The following CAMTA1 variants were observed in gnomAD, a reference collection of about 807,000 sequenced individuals.
CAMTA1 encodes the protein calmodulin-binding transcription activator 1.
A neutral mutation model predicts 170.9 loss-of-function variants in CAMTA1; 27 were observed. That is an observed-to-expected ratio of 0.16 (90% CI 0.12 to 0.22). The LOEUF is 0.22. CAMTA1 is among the 10% of genes least tolerant of loss of function. The pLI, the probability that CAMTA1 is intolerant of heterozygous loss-of-function variation, is 1.00. For missense variants in CAMTA1, 1,619 were observed against 2,217.2 expected (o/e 0.73, Z 5.42); for synonymous variants, 833 against 891.5 (o/e 0.93, Z 1.17).
chr1:6,979,372 A>G (rs370115527), intron 3 of CAMTA1, among the ~76,000 whole-genome samples: 38 of 152,332 alleles, frequency 2.5e-4, no homozygotes, highest in African/African-American at 8.9e-4. Context: ...TCAATTCTGC[A>G]TCAAGGTGCT....
At chr1:7,183,412 A>G (rs752985896) in intron 4 of CAMTA1, among the ~76,000 whole-genome samples, 8 of 152,190 alleles carry the variant, frequency 5.3e-5, no homozygotes, top group Non-Finnish European at 7.3e-5. Flanking sequence ...AATATCTATC[A>G]TAACTGCTTA....
intron 6 of CAMTA1, among the ~76,000 whole-genome samples, chr1:7,569,206 A>G (rs2095091864): frequency 1.3e-5 from 2 of 149,756 alleles, no homozygotes; most frequent in South Asian, 4.3e-4. Context: ...CCTTATCATC[A>G]CCATTACCAC....
intron 3 of CAMTA1, among the ~76,000 whole-genome samples, chr1:6,876,349 A>G (rs1478332025): frequency 6.6e-6 from 1 of 151,100 alleles, no homozygotes; most frequent in African/African-American, 2.4e-5. Context: ...ATGTTTCTTT[A>G]TTTTTTAATT....
At chr1:7,273,453 A>G (rs1670140759) in intron 5 of CAMTA1, among the ~76,000 whole-genome samples, 1 of 152,246 alleles carries the variant, frequency 6.6e-6, no homozygotes, top group South Asian at 2.1e-4. Context: ...CGTTATTCTA[A>G]GTGAAAGAGG....
intron 5 of CAMTA1, among the ~76,000 whole-genome samples, chr1:7,320,145 G>C (rs1377265308): frequency 6.6e-6 from 1 of 152,176 alleles, no homozygotes; most frequent in Non-Finnish European, 1.5e-5. Context: ...GTATCAAGTA[G>C]ACGTGGTAAG....
intron 3 of CAMTA1, among the ~76,000 whole-genome samples, chr1:6,977,587 G>A (rs553597436): frequency 2.6e-5 from 4 of 152,208 alleles, no homozygotes; most frequent in East Asian, 3.9e-4. Context: ...GGATCCACTC[G>A]CCTCGGCCTC....
intron 3 of CAMTA1, among the ~76,000 whole-genome samples, chr1:7,074,955 C>A (rs1639103650): frequency 6.6e-6 from 1 of 152,148 alleles, no homozygotes; most frequent in Non-Finnish European, 1.5e-5. Context: ...TTCTTGAAAC[C>A]CCTGTGGAGC....
At chr1:7,275,786 A>G (rs1444765502) in intron 5 of CAMTA1, among the ~76,000 whole-genome samples, 1 of 152,286 alleles carries the variant, frequency 6.6e-6, no homozygotes, top group South Asian at 2.1e-4. Context: ...CCAAAAAGAA[A>G]CCTCCTTCAT....
At chr1:7,164,562 G>A (rs934811798) in intron 4 of CAMTA1, among the ~76,000 whole-genome samples, 3 of 152,344 alleles carry the variant, frequency 2.0e-5, no homozygotes, top group Admixed American at 6.5e-5. Flanking sequence ...GTCTATGCCC[G>A]TGCCTAGGAC....
At chr1:6,990,170 G>A (rs1696118874) in intron 3 of CAMTA1, among the ~76,000 whole-genome samples, 1 of 152,146 alleles carries the variant, frequency 6.6e-6, no homozygotes, top group African/African-American at 2.4e-5. Context: ...GATATTGGTA[G>A]GTCACCAGCA....
At chr1:7,133,996 A>G (rs1645406239) in intron 4 of CAMTA1, among the ~76,000 whole-genome samples, 1 of 152,164 alleles carries the variant, frequency 6.6e-6, no homozygotes, top group African/African-American at 2.4e-5. Flanking sequence ...GGATCCCACC[A>G]CCCAGGTGGT....
Position 7,732,336 on chromosome 1 carries a change from T to C in CAMTA1, c.2915-112T>C, listed in dbSNP as rs1350914614. On this transcript the variant is annotated intron_variant, in intron 11 of 22. Coordinates refer to ENST00000303635, the MANE Select transcript of CAMTA1 (RefSeq NM_015215.4). This position sits in a 1 kb window ranked among gnomAD's most constrained non-coding sequence, Gnocchi z 4.1. ...CTGGCTGGCGGAGACCTCTCTGGTTTGGTGAAGTTACGGACGGCATTTGGA... is the reference window on the plus strand; with the variant it reads ...CTGGCTGGCGGAGACCTCTCTGGTTCGGTGAAGTTACGGACGGCATTTGGA... 2.4e-6 allele frequency: 2 copies of C among 849,738 alleles called. No homozygotes were observed. The highest frequency in any genetic ancestry group is 3.9e-6 in the Non-Finnish European group (2 of 514,710). The allele number at this position is 849,738 out of a possible 1,614,324, so 52.6% of individuals were successfully genotyped here. A position where few individuals can be genotyped will look rare whatever the true frequency, so the allele number is the denominator to read the frequency against.
chr1:7,619,679 T>C (rs2095583953), intron 6 of CAMTA1, among the ~76,000 whole-genome samples: 1 of 151,264 alleles, frequency 6.6e-6, no homozygotes, highest in Non-Finnish European at 1.5e-5. Context: ...AGATGGAGTC[T>C]CACTCTGTCA....
Position 7,592,191 on chromosome 1 carries a change from A to G in CAMTA1, c.511-48209A>G, listed in dbSNP as rs992453959. Among the ~76,000 whole-genome samples, 2 of 152,010 alleles carry G rather than the reference A, an allele frequency of 1.3e-5. No homozygotes were observed. Among genetic ancestry groups the G allele is most frequent in the African/African-American group, 4.8e-5 (2 of 41,384 alleles). On this transcript the variant is annotated intron_variant, in intron 6 of 22. Transcript: ENST00000303635. This position sits in a 1 kb window ranked among gnomAD's most constrained non-coding sequence, Gnocchi z 4.6. ...TAGGATTACAGGCATGAGCCACCGCACCCAGCCACTTTTCACAGTTTAGAT... is the reference window on the plus strand; with the variant it reads ...TAGGATTACAGGCATGAGCCACCGCGCCCAGCCACTTTTCACAGTTTAGAT...
Position 7,229,429 on chromosome 1 carries a change from G to T in CAMTA1, c.303-20062G>T, listed in dbSNP as rs990968932. Among the ~76,000 whole-genome samples, 100 of 129,580 alleles carry T rather than the reference G, an allele frequency of 7.7e-4. 2 individuals are homozygous for T. Among genetic ancestry groups the T allele is most frequent in the Admixed American group, 1.7e-3 (22 of 12,782 alleles). The allele number at this position is 129,580 out of a possible 152,430, so 85.0% of individuals were successfully genotyped here. A position where few individuals can be genotyped will look rare whatever the true frequency, so the allele number is the denominator to read the frequency against. On this transcript the variant is annotated intron_variant, in intron 4 of 22. Transcript: ENST00000303635. Reference sequence around the variant, plus strand: ...GTGGTGAGAGCAGGTGAGAGGAGGGGAGGGGAGGAGGGGGGTGTGAAGGGG... The same window carrying T: ...GTGGTGAGAGCAGGTGAGAGGAGGGTAGGGGAGGAGGGGGGTGTGAAGGGG...
At chr1:7,030,093 A>C (rs976891120) in intron 3 of CAMTA1, among the ~76,000 whole-genome samples, 4 of 152,218 alleles carry the variant, frequency 2.6e-5, no homozygotes, top group African/African-American at 9.6e-5. Context: ...AGAATTGTGA[A>C]TATTTCTCTT....
intron 11 of CAMTA1, among the ~76,000 whole-genome samples, chr1:7,701,261 A>G (rs1330855254): frequency 6.6e-6 from 1 of 152,186 alleles, no homozygotes; most frequent in Non-Finnish European, 1.5e-5. Flanking sequence ...GAGACTTAGC[A>G]GCAGCGTGAG....
At position 7,493,258 on chromosome 1, in the gene CAMTA1, C is replaced by T. The variant is rs775147650; in HGVS notation, c.510+25357C>T. 7.1e-4 allele frequency among the ~76,000 whole-genome samples: 81 copies of T among 113,784 alleles called. 1 individual carries two copies. The highest frequency in any genetic ancestry group is 1.3e-3 in the African/African-American group (33 of 25,982). 74.6% of individuals were successfully genotyped at this position (113,784 alleles called of 152,430 possible). A position where few individuals can be genotyped will look rare whatever the true frequency, so the allele number is the denominator to read the frequency against. ...GTACAATCACGCACACACAAACCTACGTACACACGCACACAAACATACACG... is the reference window on the plus strand; with the variant it reads ...GTACAATCACGCACACACAAACCTATGTACACACGCACACAAACATACACG... On this transcript the variant is annotated intron_variant, in intron 6 of 22. Transcript: ENST00000303635.
chr1:6,902,245 A>G (rs1258108960), intron 3 of CAMTA1, among the ~76,000 whole-genome samples: 1 of 152,220 alleles, frequency 6.6e-6, no homozygotes, highest in Non-Finnish European at 1.5e-5. Context: ...CTAAGAGAAT[A>G]TAAAGTTATG....
Sources: gnomAD v4.1 joint callset for allele counts (sites outside exome capture counted in the v4.1 genomes callset) on GRCh38, gnomAD v4.1.1 for gene constraint, Gnocchi (gnomAD v3.1) non-coding constraint, MANE v1.5 for transcripts, NCBI Gene and HGNC (gene_info 2026-07-23, HGNC 2026-07-21) for gene names.